NEK1: variants seen among roughly 807,000 people sequenced by gnomAD.
NEK1 encodes serine/threonine-protein kinase Nek1.
NEK1 carries 137 observed loss-of-function variants against 182.1 expected under a neutral mutation model. That is an observed-to-expected ratio of 0.75 (90% CI 0.65 to 0.87). The LOEUF (loss-of-function observed/expected upper bound fraction) is 0.87. NEK1 is among the 40% of genes least tolerant of loss of function. The pLI is 0.00. For synonymous variants in NEK1, 513 were observed against 492.2 expected (o/e 1.04, Z -0.56); for missense variants, 1,391 against 1,494.4 (o/e 0.93, Z 1.14).
intron 27 of NEK1, among the ~76,000 whole-genome samples, chr4:169,455,019 C>A (rs1321365464): frequency 3.3e-5 from 5 of 152,178 alleles, no homozygotes; most frequent in Admixed American, 6.5e-5. Context: ...GAGTTCATGT[C>A]CTTTGCAGGG....
intron 23 of NEK1, among the ~76,000 whole-genome samples, chr4:169,505,264 A>G (rs907356940): frequency 1.3e-5 from 2 of 152,100 alleles, no homozygotes; most frequent in African/African-American, 4.8e-5. Context: ...GCACAAATCC[A>G]CTTACACACA....
intron 31 of NEK1, among the ~76,000 whole-genome samples, chr4:169,423,626 A>G (rs1161967020): frequency 6.6e-6 from 1 of 152,226 alleles, no homozygotes; most frequent in African/African-American, 2.4e-5. Context: ...TTCACATACT[A>G]TTGACAGCAC....
At chr4:169,589,380 T>C (rs952579770) in intron 7 of NEK1, 67 bp downstream of exon 7, 17 of 875,322 alleles carry the variant, frequency 1.9e-5, no homozygotes, top group African/African-American at 3.4e-5. Context: ...TTATCACATA[T>C]ACATCATCAT....
rs190040845 is a variant in NEK1 at position 169,582,521 on chromosome 4, G to A, written c.808-1619C>T. ...GGCAATTTAGAGCAACCATGTGAAC[G>A]TGTGTTCTCTTCTCAACAAATGCAT... is the stretch of plus-strand genomic sequence containing the variant. On this transcript the variant is annotated intron_variant, in intron 10 of 35. Transcript: ENST00000507142. Among the ~76,000 whole-genome samples, 16 of 152,308 alleles carry A rather than the reference G, an allele frequency of 1.1e-4. No homozygotes were observed. The East Asian group carries it at 2.5e-3, about 24-fold the overall frequency.
At chr4:169,569,570 T>C (rs1293573540) in intron 12 of NEK1, among the ~76,000 whole-genome samples, 2 of 151,116 alleles carry the variant, frequency 1.3e-5, no homozygotes, top group Non-Finnish European at 3.0e-5. Context: ...TGCTGCCATC[T>C]AGGCTCACTG....
chr4:169,556,821 T>C (rs1461718286), intron 16 of NEK1, among the ~76,000 whole-genome samples: 3 of 151,542 alleles, frequency 2.0e-5, no homozygotes, highest in African/African-American at 7.3e-5. Flanking sequence ...CTGGTCTTGA[T>C]AGCAATGTAA....
chr4:169,581,039 TAAAAAAAAAAAAA>T (rs34236215), intron 10 of NEK1, 137 bp from the exon 11 acceptor site: 29 of 130,968 alleles, frequency 2.2e-4, no homozygotes, highest in Non-Finnish European at 7.2e-5. Context: ...ACCAAGTTGT[TAAAAAAAAAAAAA>T]AAAAAAAAAA....
Position 169,588,747 on chromosome 4 carries a change from A to C in NEK1, c.465-12T>G, listed in dbSNP as rs1767934015. On this transcript the variant is annotated splice_polypyrimidine_tract_variant and intron_variant, in intron 7 of 35. Transcript: ENST00000507142. ...CCAGCTCTACAGTACTAGAAGAAAA[A>C]TAAAATTATTGGAGAAGTTAAAGAC... The C allele has an allele frequency of 1.3e-6, 2 of 1,503,408 alleles. No individual in the cohort carries two copies. Among genetic ancestry groups the C allele is most frequent in the Non-Finnish European group, 1.8e-6 (2 of 1,103,218 alleles). The allele number at this position is 1,503,408 out of a possible 1,614,324, so 93.1% of individuals were successfully genotyped here.
In NEK1 at chr4:169,496,807, A is replaced by T. The variant is rs1023892387; in HGVS notation, c.2007+10230T>A. 6.4e-3 allele frequency among the ~76,000 whole-genome samples: 968 copies of T among 152,236 alleles called. 11 individuals are homozygous for T. Among genetic ancestry groups the T allele is most frequent in the African/African-American group, 0.022 (931 of 41,498 alleles). ...GATGTGCTGCTGGATTCGGTTTGCC[A>T]GTATTTTATTGAGGATTTTTACATC... On this transcript the variant is annotated intron_variant, in intron 23 of 35. Transcript: ENST00000507142.
intron 12 of NEK1, among the ~76,000 whole-genome samples, chr4:169,574,073 G>T (rs977982069): frequency 7.2e-5 from 11 of 152,124 alleles, no homozygotes; most frequent in African/African-American, 2.7e-4. Flanking sequence ...GAGGTGGATT[G>T]CTTGAGCTCA....
intron 2 of NEK1, among the ~76,000 whole-genome samples, chr4:169,606,983 G>A (rs974362234): frequency 6.6e-6 from 1 of 152,210 alleles, no homozygotes; most frequent in African/African-American, 2.4e-5. Flanking sequence ...TCTTGCTGAG[G>A]AGAGAAAGCG....
intron 32 of NEK1, among the ~76,000 whole-genome samples, chr4:169,404,476 T>C (rs1052313203): frequency 6.6e-6 from 1 of 152,044 alleles, no homozygotes; most frequent in African/African-American, 2.4e-5. Flanking sequence ...CGTAACTCAA[T>C]ACAGAAGAAA....
At chr4:169,518,507 C>T (rs1022585752) in intron 19 of NEK1, among the ~76,000 whole-genome samples, 1 of 105,888 alleles carries the variant, frequency 9.4e-6, no homozygotes, top group Non-Finnish European at 1.8e-5. Flanking sequence ...CTATTTCCTT[C>T]AGTTCTGCTC....
At chr4:169,403,320 C>CA (rs35110222) in intron 32 of NEK1, among the ~76,000 whole-genome samples, 26,771 of 151,986 alleles carry the variant, frequency 0.18, 2,925 homozygotes, top group South Asian at 0.31. Flanking sequence ...GTAATCCTAG[C>CA]CCTTTGGGAG....
chr4:169,466,227 C>T (rs954529095), intron 26 of NEK1, among the ~76,000 whole-genome samples: 6 of 151,882 alleles, frequency 4.0e-5, no homozygotes, highest in Admixed American at 3.9e-4. Flanking sequence ...TCCATTCATA[C>T]TGAAGACAGA....
chr4:169,492,712 C>T (rs755800894), intron 23 of NEK1, among the ~76,000 whole-genome samples: 37 of 152,172 alleles, frequency 2.4e-4, no homozygotes, highest in Non-Finnish European at 3.8e-4. Context: ...CACCACCACC[C>T]GCAGACATAC....
chr4:169,569,220 T>A (rs183285688), intron 12 of NEK1, among the ~76,000 whole-genome samples: 1 of 152,338 alleles, frequency 6.6e-6, no homozygotes, highest in East Asian at 1.9e-4. Flanking sequence ...CAATTTCAAA[T>A]GTTCTAGAGC....
chr4:169,461,332 C>T (rs930748460), intron 27 of NEK1, among the ~76,000 whole-genome samples: 1 of 152,066 alleles, frequency 6.6e-6, no homozygotes, highest in Non-Finnish European at 1.5e-5. Flanking sequence ...ATTGCTTATT[C>T]TCTGTGGCTT....
intron 23 of NEK1, among the ~76,000 whole-genome samples, chr4:169,493,856 G>GGAA (rs1421922835): frequency 3.3e-5 from 5 of 152,250 alleles, no homozygotes; most frequent in African/African-American, 1.2e-4. Flanking sequence ...TAAGGAAACT[G>GGAA]GAAAACATAT....
Sources: gnomAD v4.1 joint callset for allele counts (sites outside exome capture counted in the v4.1 genomes callset) on GRCh38, gnomAD v4.1.1 for gene constraint, MANE v1.5 for transcripts, NCBI Gene and HGNC (gene_info 2026-07-23, HGNC 2026-07-21) for gene names.